The following KDM5C variants were observed in gnomAD, a reference collection of about 807,000 sequenced individuals.
KDM5C encodes lysine-specific demethylase 5C.
Under a neutral mutation model 110.6 loss-of-function variants are expected in KDM5C, and 16 were observed. That is an observed-to-expected ratio of 0.14 (90% CI 0.10 to 0.22). The LOEUF (loss-of-function observed/expected upper bound fraction) is 0.22. Among genes scored for constraint, KDM5C ranks in the 10% least tolerant of loss-of-function variants. The probability of loss-of-function intolerance (pLI) is 1.00; values close to 1 mark genes in which losing one functional copy is unlikely to be tolerated. For synonymous variants in KDM5C, 511 were observed against 520.4 expected (o/e 0.98, Z 0.24); for missense variants, 681 against 1,300.9 (o/e 0.52, Z 7.33).
At chrX:53,221,172 AC>A (rs1242402469) in intron 1 of KDM5C, among the ~76,000 whole-genome samples, 1 of 104,407 alleles carries the variant, frequency 9.6e-6, no homozygotes, top group East Asian at 3.1e-4. Flanking sequence ...GTCCCACCCA[AC>A]AGTACAGTGC....
chrX:53,202,051 A>G, intron 12 of KDM5C, 78 bp from the exon 13 acceptor site: 2 of 1,131,969 alleles, frequency 1.8e-6, no homozygotes, highest in Non-Finnish European at 2.4e-6. Context: ...CAAGGTAATT[A>G]AGGAGACAAA....
intron 12 of KDM5C, among the ~76,000 whole-genome samples, chrX:53,207,844 G>C (rs1556846426): frequency 9.2e-6 from 1 of 108,688 alleles, no homozygotes; most frequent in Non-Finnish European, 1.9e-5. Context: ...ACCTACTCGG[G>C]AGGCTGAGGC....
intron 2 of KDM5C, among the ~76,000 whole-genome samples, chrX:53,220,354 C>A (rs1439485126): frequency 1.8e-5 from 2 of 111,999 alleles, no homozygotes; most frequent in Non-Finnish European, 3.8e-5. Flanking sequence ...ACCATTCCAG[C>A]CTCCACAGAG....
At chrX:53,181,982 G>A (rs1347393282) in intron 25 of KDM5C, among the ~76,000 whole-genome samples, 3 of 109,961 alleles carry the variant, frequency 2.7e-5, no homozygotes, top group Non-Finnish European at 5.7e-5. Flanking sequence ...TAGAGACAGG[G>A]TTTCACTGTG....
chrX:53,191,713 C>T (rs1322425942), downstream of KDM5C: 2 of 173,267 alleles, frequency 1.2e-5, no homozygotes, highest in African/African-American at 5.9e-5. Context: ...ATCTTAAGGG[C>T]AATAAAGCAT....
chrX:53,216,923 T>C (rs1323984628), intron 5 of KDM5C, among the ~76,000 whole-genome samples: 6 of 111,877 alleles, frequency 5.4e-5, no homozygotes, highest in African/African-American at 2.0e-4. Context: ...AGAGCAGACA[T>C]ACAAAAGAGG....
At chrX:53,215,643 G>T in intron 7 of KDM5C, 152 bp downstream of exon 7, 1 of 545,382 alleles carries the variant, frequency 1.8e-6, no homozygotes, top group Non-Finnish European at 3.2e-6. Flanking sequence ...ATATGAGTTG[G>T]CTTTGTTTCC....
chrX:53,190,822 G>T (rs1934386099), downstream of KDM5C, among the ~76,000 whole-genome samples: 1 of 111,730 alleles, frequency 9.0e-6, no homozygotes, highest in Non-Finnish European at 1.9e-5. Context: ...ATATTGGGAA[G>T]GGGGAATGAA....
downstream of KDM5C, chrX:53,192,123 T>C (rs1231983927): frequency 5.7e-6 from 1 of 174,598 alleles, no homozygotes; most frequent in Admixed American, 7.9e-5. Context: ...AAGCACTGTC[T>C]TCCCCGTCTA....
chrX:53,209,606 G>A (rs1423833642), intron 12 of KDM5C, among the ~76,000 whole-genome samples: 2 of 111,577 alleles, frequency 1.8e-5, no homozygotes, highest in Non-Finnish European at 3.8e-5. Context: ...GTGGAAGGGT[G>A]TAGGGAAGAG....
rs1556850906 is a variant in KDM5C, at chrX:53,214,864, G to A, written c.964-17C>T. Reference sequence around the variant, plus strand: ...TGACTCAATCTGCCAGGGGAGAAGAGCAAAAGTTCTCCATTGGAAATCCAC... The same window carrying A: ...TGACTCAATCTGCCAGGGGAGAAGAACAAAAGTTCTCCATTGGAAATCCAC... On this transcript the variant is annotated splice_polypyrimidine_tract_variant and intron_variant, in intron 7 of 25. Transcript: ENST00000375401. The A allele has an allele frequency of 8.3e-7, 1 of 1,208,784 alleles. No homozygotes were observed. The highest frequency in any genetic ancestry group is 2.2e-5 in the Admixed American group (1 of 45,960).
Position 53,193,458 on chromosome X carries a change from C to A in KDM5C, c.4296G>T (p.Glu1432Asp). 1 of 1,211,997 alleles carries A rather than the reference C, an allele frequency of 8.3e-7. No individual in the cohort carries two copies. The highest frequency in any genetic ancestry group is 1.1e-6 in the Non-Finnish European group (1 of 895,577). The change falls in exon 25 of 26, where the codon GAG becomes GAT. Residue 1432 changes from glutamate to aspartate, a missense_variant. By Grantham distance (45) the Glu-to-Asp change is conservative. Transcript: ENST00000375401. Reference protein sequence around the residue: ...LLQAGQPPDLERIRTLLELEK... With the variant: ...LLQAGQPPDLDRIRTLLELEK... ...TCACCTCCAGAAGTGTGCGGATCCTCTCCAGGTCTGGGGGCTGTCCAGCCT... is the reference window on the plus strand; with the variant it reads ...TCACCTCCAGAAGTGTGCGGATCCTATCCAGGTCTGGGGGCTGTCCAGCCT...
chrX:53,192,861 A>ACCCCCCCCCCCCCCCCCCCC lies in KDM5C; in HGVS notation c.*105_*106insGGGGGGGGGGGGGGGGGGGG. The stretch of plus-strand genomic sequence containing the variant: ...GGGTGGGCGGGTAGCAGGGATGGCC[A>ACCCCCCCCCCCCCCCCCCCC]CCCCCCTACCCGCCCACCCCCCAAG... On this transcript the variant is annotated 3_prime_UTR_variant, in exon 26 of 26. Coordinates refer to ENST00000375401, the MANE Select transcript of KDM5C (RefSeq NM_004187.5). 6 of 501,994 alleles carry ACCCCCCCCCCCCCCCCCCCC rather than the reference A, an allele frequency of 1.2e-5. No individual in the cohort carries two copies. The highest frequency in any genetic ancestry group is 6.0e-5 in the East Asian group (1 of 16,798). The allele number at this position is 501,994 out of a possible 1,213,427, so 41.4% of individuals were successfully genotyped here. A position where few individuals can be genotyped will look rare whatever the true frequency, so the allele number is the denominator to read the frequency against.
chrX:53,207,602 T>C (rs111907016), intron 12 of KDM5C, among the ~76,000 whole-genome samples: 2,922 of 111,721 alleles, frequency 0.026, 85 homozygotes, highest in African/African-American at 0.082. Flanking sequence ...GTGGAGAGAA[T>C]AGGGGCGAAC....
chrX:53,198,437 G>A (rs910627975), intron 17 of KDM5C, 53 bp downstream of exon 17: 142 of 1,164,060 alleles, frequency 1.2e-4, no homozygotes, highest in African/African-American at 2.0e-4. Flanking sequence ...ACTTTTCCTC[G>A]GTGCTGGATC....
At chrX:53,202,590 TC>T (rs2073175885) in intron 12 of KDM5C, 1 of 114,830 alleles carries the variant, frequency 8.7e-6, no homozygotes, top group African/African-American at 3.3e-5. Flanking sequence ...TTCTGATCTG[TC>T]CCAATCTGGA....
At chrX:53,178,503 T>C (rs1275794897) in intron 25 of KDM5C, among the ~76,000 whole-genome samples, 3 of 112,143 alleles carry the variant, frequency 2.7e-5, no homozygotes, top group Non-Finnish European at 5.6e-5. Flanking sequence ...GAAAAAACTT[T>C]TTAAAAGGCA....
At chrX:53,194,844 G>A in intron 22 of KDM5C, 87 bp downstream of exon 22, 1 of 1,190,179 alleles carries the variant, frequency 8.4e-7, no homozygotes, top group Admixed American at 2.2e-5. Context: ...CTGAGGCTCA[G>A]GGGACAAGCG....
chrX:53,211,153 T>A (rs1425239122), intron 10 of KDM5C, among the ~76,000 whole-genome samples: 2 of 111,954 alleles, frequency 1.8e-5, no homozygotes, highest in African/African-American at 6.5e-5. Flanking sequence ...GAAGCACAAC[T>A]AGGCCCTCAT....
Sources: gnomAD v4.1 joint callset for allele counts (sites outside exome capture counted in the v4.1 genomes callset) on GRCh38, gnomAD v4.1.1 for gene constraint, MANE v1.5 for transcripts, NCBI Gene and HGNC (gene_info 2026-07-23, HGNC 2026-07-21) for gene names.